The following RARS2 variants were observed in gnomAD, a reference collection of about 807,000 sequenced individuals.
The protein encoded by RARS2 is arginyl-tRNA synthetase 2, mitochondrial.
RARS2 carries 67 observed loss-of-function variants against 88.5 expected under a neutral mutation model. The ratio of observed to expected loss-of-function variants is 0.76; its 90% CI spans 0.62 to 0.93. RARS2 has a LOEUF of 0.93. RARS2 is among the 40% of genes least tolerant of loss of function. RARS2 has a pLI of 0.00. For missense variants in RARS2, 664 were observed against 684.2 expected (o/e 0.97, Z 0.33); for synonymous variants, 239 against 230.3 (o/e 1.04, Z -0.34).
At position 87,523,466 on chromosome 6, in the gene RARS2, T is replaced by C. The variant is rs151278688; in HGVS notation, c.974+1091A>G. Among the ~76,000 whole-genome samples the C allele has an allele frequency of 3.1e-3, 475 of 152,128 alleles. 6 individuals are homozygous for C. The highest frequency in any genetic ancestry group is 5.7e-3 in the Non-Finnish European group (386 of 67,992). On this transcript the variant is annotated intron_variant, in intron 11 of 19. Transcript: ENST00000369536. ...AGAAGCAACTGACATTAAAGCAAAG[T>C]GAAAAAATCAAACATTTCAATAAGT... is the stretch of plus-strand genomic sequence containing the variant.
chr6:87,584,452 G>T (rs955592242), intron 1 of RARS2, among the ~76,000 whole-genome samples: 1 of 152,086 alleles, frequency 6.6e-6, no homozygotes, highest in African/African-American at 2.4e-5. Flanking sequence ...ATACGGCACC[G>T]TACAAGTGAG....
intron 11 of RARS2, 27 bp downstream of exon 11, chr6:87,524,521 TAGAACCAAA>T (rs767465158): frequency 1.0e-4 from 153 of 1,480,090 alleles, no homozygotes; most frequent in Non-Finnish European, 1.3e-4. Flanking sequence ...GCAACAGATT[TAGAACCAAA>T]TGTTGACCCT....
At chr6:87,551,154 T>C (rs779454884) in intron 5 of RARS2, among the ~76,000 whole-genome samples, 4 of 152,130 alleles carry the variant, frequency 2.6e-5, no homozygotes, top group Admixed American at 6.5e-5. Flanking sequence ...AATCAACAAT[T>C]TGCTTCTCTC....
In RARS2 at chr6:87,519,177, AATAT is replaced by A. The variant is rs985822962; in HGVS notation, c.1238-290_1238-287del. 3.6e-4 allele frequency: 76 copies of A among 208,332 alleles called. 3 individuals are homozygous for A. The East Asian group carries it at 4.9e-3, about 13-fold the overall frequency. The allele number at this position is 208,332 out of a possible 1,614,324, so 12.9% of individuals were successfully genotyped here. A position where few individuals can be genotyped will look rare whatever the true frequency, so the allele number is the denominator to read the frequency against. On this transcript the variant is annotated intron_variant, in intron 14 of 19. Transcript: ENST00000369536. Reference sequence around the variant, plus strand: ...ATATGTATGTGTGTATATATATATAAATATATATGTGTGTGTGTGTGTGTGTGTG... The same window carrying A: ...ATATGTATGTGTGTATATATATATAAATATGTGTGTGTGTGTGTGTGTGTG...
chr6:87,583,975 C>T (rs1050350477), intron 1 of RARS2, among the ~76,000 whole-genome samples: 7 of 152,138 alleles, frequency 4.6e-5, no homozygotes, highest in Non-Finnish European at 8.8e-5. Flanking sequence ...TAGTGTTGAG[C>T]GACAAATCCT....
intron 8 of RARS2, among the ~76,000 whole-genome samples, chr6:87,538,864 T>A (rs898910880): frequency 6.6e-6 from 1 of 151,934 alleles, no homozygotes; most frequent in African/African-American, 2.4e-5. Context: ...GGAGACCCTG[T>A]CTCTATAAAA....
At chr6:87,523,363 C>T (rs1774603809) in intron 11 of RARS2, among the ~76,000 whole-genome samples, 1 of 152,150 alleles carries the variant, frequency 6.6e-6, no homozygotes, top group Non-Finnish European at 1.5e-5. Context: ...CAGTATTCTC[C>T]TGCAGTTTTG....
chr6:87,546,022 C>T (rs776027294), intron 6 of RARS2, among the ~76,000 whole-genome samples: 6 of 151,970 alleles, frequency 3.9e-5, no homozygotes, highest in Non-Finnish European at 8.8e-5. Flanking sequence ...AAAAAAATCC[C>T]AGTAATTAAC....
chr6:87,562,971 T>C (rs1280237270), intron 3 of RARS2, among the ~76,000 whole-genome samples, 186 bp from the exon 4 acceptor site: 2 of 152,178 alleles, frequency 1.3e-5, no homozygotes, highest in Admixed American at 1.3e-4. Flanking sequence ...ACATTTTCTT[T>C]TTTTCCCAAC....
intron 8 of RARS2, among the ~76,000 whole-genome samples, chr6:87,532,697 CAAGT>C (rs1285025346): frequency 6.6e-6 from 1 of 152,138 alleles, no homozygotes. Context: ...ATCATAGCCA[CAAGT>C]AAGACTATGC....
chr6:87,538,742 T>C (rs1030729476), intron 8 of RARS2, among the ~76,000 whole-genome samples: 5 of 151,870 alleles, frequency 3.3e-5, no homozygotes, highest in African/African-American at 1.2e-4. Flanking sequence ...ATTTAAAAAA[T>C]TAAAAAATAG....
At chr6:87,559,901 C>T (rs79799987) in intron 4 of RARS2, among the ~76,000 whole-genome samples, 5,031 of 152,222 alleles carry the variant, frequency 0.033, 276 homozygotes, top group African/African-American at 0.11. Context: ...TTTTACTGTA[C>T]CCTTCCTATG....
intron 6 of RARS2, among the ~76,000 whole-genome samples, chr6:87,548,384 T>C (rs1582574893): frequency 1.3e-5 from 2 of 152,356 alleles, no homozygotes; most frequent in Admixed American, 6.5e-5. Flanking sequence ...AGTTTCTCAG[T>C]GAATCTTTTG....
At chr6:87,518,398 AG>A in intron 16 of RARS2, 134 bp from the exon 17 acceptor site, 1 of 1,530,846 alleles carries the variant, frequency 6.5e-7, no homozygotes, top group Non-Finnish European at 8.8e-7. Flanking sequence ...TGGAGGTAAC[AG>A]TATATTTTTC....
At chr6:87,526,871 A>G (rs1775918969) in intron 10 of RARS2, among the ~76,000 whole-genome samples, 1 of 151,646 alleles carries the variant, frequency 6.6e-6, no homozygotes, top group South Asian at 2.1e-4. Flanking sequence ...GGGTTTCTCC[A>G]TGTTGGTCAG....
At chr6:87,538,365 C>T (rs780868743) in intron 8 of RARS2, among the ~76,000 whole-genome samples, 24 of 152,172 alleles carry the variant, frequency 1.6e-4, no homozygotes, top group African/African-American at 4.6e-4. Flanking sequence ...CACAGAAGTA[C>T]CTTATTGCCC....
At chr6:87,515,901 T>C (rs1419578969) in intron 18 of RARS2, 2 of 146,874 alleles carry the variant, frequency 1.4e-5, no homozygotes, top group Non-Finnish European at 3.0e-5. Flanking sequence ...GAGGTTGCAG[T>C]GAGCCGAGAT....
intron 1 of RARS2, among the ~76,000 whole-genome samples, chr6:87,588,435 A>G (rs1201860402): frequency 6.6e-6 from 1 of 152,138 alleles, no homozygotes; most frequent in African/African-American, 2.4e-5. Context: ...TGGCACAATC[A>G]TAGCTCACTG....
At chr6:87,547,434 T>C (rs1582564601) in intron 6 of RARS2, among the ~76,000 whole-genome samples, 1 of 152,170 alleles carries the variant, frequency 6.6e-6, no homozygotes, top group Non-Finnish European at 1.5e-5. Context: ...AAGCATGCAA[T>C]AGGACAGATT....
Sources: gnomAD v4.1 joint callset for allele counts (sites outside exome capture counted in the v4.1 genomes callset) on GRCh38, gnomAD v4.1.1 for gene constraint, MANE v1.5 for transcripts, NCBI Gene and HGNC (gene_info 2026-07-23, HGNC 2026-07-21) for gene names.